Variants in PCDHA7 observed in about 807,000 individuals in gnomAD.
PCDHA7 encodes protocadherin alpha 7.
In PCDHA7, 37 loss-of-function variants were observed where a neutral mutation model predicts 57.2. The ratio of observed to expected loss-of-function variants is 0.65; its 90% CI spans 0.50 to 0.85. The LOEUF (loss-of-function observed/expected upper bound fraction) is 0.85, where lower values mean the gene tolerates loss of function less well. PCDHA7 is among the 40% of genes least tolerant of loss of function. The pLI is 0.00. For missense variants in PCDHA7, 1,188 were observed against 1,241.8 expected (o/e 0.96, Z 0.65); for synonymous variants, 553 against 558.8 (o/e 0.99, Z 0.15).
At position 140,836,498 on chromosome 5, in the gene PCDHA7, C is replaced by A; in HGVS notation, c.2115C>A (p.Cys705Ter). The part of the protein sequence containing the change: ...DVNVYLIIAI[C>*]AVSSLLVLTL... ...ACGTGTACCTGATCATCGCCATCTG[C>A]GCGGTGTCCAGTCTGTTGGTGCTTA... Residue 705 changes from cysteine (C) to a stop codon, truncating the protein, a stop_gained, in exon 1 of 4, where the codon TGC becomes TGA. Transcript: ENST00000525929. LOFTEE classifies it high-confidence loss of function. The A allele has an allele frequency of 1.2e-6, 2 of 1,613,896 alleles. No individual in the cohort carries two copies. Among genetic ancestry groups the A allele is most frequent in the Non-Finnish European group, 1.7e-6 (2 of 1,179,874 alleles).
intron 1 of PCDHA7, chr5:140,928,746 C>A (rs782813323): frequency 6.2e-7 from 1 of 1,614,130 alleles, no homozygotes. Context: ...TAGGTGAGCT[C>A]CGTACTGCTC....
intron 1 of PCDHA7, chr5:140,929,227 G>A (rs141300036): frequency 6.2e-6 from 10 of 1,613,774 alleles, no homozygotes; most frequent in Admixed American, 5.0e-5. Context: ...CAATGCTGCC[G>A]ACCTGCGAAA....
At chr5:140,857,138 G>A in intron 1 of PCDHA7, 2 of 1,598,300 alleles carry the variant, frequency 1.3e-6, no homozygotes, top group Non-Finnish European at 1.7e-6. Context: ...AGATGCTCAA[G>A]TGGGCACCGT....
Position 140,856,075 on chromosome 5 carries a change from G to T in PCDHA7, c.2355+19337G>T. 2 of 1,593,334 alleles carry T rather than the reference G, an allele frequency of 1.3e-6. 1 individual carries two copies. The highest frequency in any genetic ancestry group is 1.7e-6 in the Non-Finnish European group (2 of 1,164,466). Reference sequence around the variant, plus strand: ...TGGTTTCCAGATGTAGCTGCCTGGGGGTCCAGTGTCTGCTGCTCTCGCTTC... The same window carrying T: ...TGGTTTCCAGATGTAGCTGCCTGGGTGTCCAGTGTCTGCTGCTCTCGCTTC... On this transcript the variant is annotated intron_variant, in intron 1 of 3. Transcript: ENST00000525929.
intron 1 of PCDHA7, chr5:140,871,672 T>C (rs2053253410): frequency 2.6e-6 from 3 of 1,153,066 alleles, no homozygotes; most frequent in Non-Finnish European, 3.6e-6. Flanking sequence ...AGTCTTTTAA[T>C]CATATGAATA....
chr5:140,880,970 C>A (rs2058546777), intron 1 of PCDHA7, among the ~76,000 whole-genome samples: 1 of 152,070 alleles, frequency 6.6e-6, no homozygotes, highest in South Asian at 2.1e-4. Context: ...TAAGAGAATA[C>A]CAAATACTCT....
At chr5:140,969,982 G>T (rs1327490843) in intron 1 of PCDHA7, among the ~76,000 whole-genome samples, 1 of 152,184 alleles carries the variant, frequency 6.6e-6, no homozygotes, top group Non-Finnish European at 1.5e-5. Flanking sequence ...CAACTCTTCT[G>T]TAGAGGGCTG....
Position 140,884,686 on chromosome 5 carries a change from G to C in PCDHA7, c.2355+47948G>C, listed in dbSNP as rs376199469. 72 of 1,538,980 alleles carry C rather than the reference G, an allele frequency of 4.7e-5. No homozygotes were observed. The African/African-American group carries it at 8.7e-4, about 19-fold the overall frequency. ...AGGTAAGCTTATATTTTAAAAAATT[G>C]TCTTAGTAAACACTTTAGCCTTCCT... On this transcript the variant is annotated intron_variant, in intron 1 of 3. Transcript: ENST00000525929.
rs1487503403 is a variant in PCDHA7 at position 140,941,191 on chromosome 5, T to TTTCTTTC, written c.2356-37756_2356-37755insCTTTCTT. Among the ~76,000 whole-genome samples, 158 of 93,240 alleles carry TTTCTTTC rather than the reference T, an allele frequency of 1.7e-3. 2 individuals carry two copies. Among genetic ancestry groups the TTTCTTTC allele is most frequent in the South Asian group, 0.011 (38 of 3,542 alleles). 61.2% of individuals were successfully genotyped at this position (93,240 alleles called of 152,430 possible). A position where few individuals can be genotyped will look rare whatever the true frequency, so the allele number is the denominator to read the frequency against. ...CATCTTGAACATCCTGCTTCTTTTT[T>TTTCTTTC]TTTCTTTCTTCCTTTCTTTCTTCCT... On this transcript the variant is annotated intron_variant, in intron 1 of 3. Transcript: ENST00000525929.
intron 1 of PCDHA7, among the ~76,000 whole-genome samples, chr5:140,959,419 A>G (rs1554224077): frequency 2.0e-5 from 3 of 152,150 alleles, no homozygotes; most frequent in Non-Finnish European, 4.4e-5. Context: ...TTGATCTGAG[A>G]ATTTGTGTAT....
chr5:140,869,227 G>A, intron 1 of PCDHA7: 2 of 1,613,788 alleles, frequency 1.2e-6, no homozygotes, highest in African/African-American at 1.3e-5. Context: ...GGCCAAACAC[G>A]GCACCTTCGT....
chr5:140,927,040 A>T (rs1554203950), intron 1 of PCDHA7: 1 of 1,612,350 alleles, frequency 6.2e-7, no homozygotes, highest in Non-Finnish European at 8.5e-7. Flanking sequence ...AGCGGCCGCT[A>T]TGTCCTCGCG....
At chr5:140,849,756 T>C (rs1554143259) in intron 1 of PCDHA7, 2 of 1,598,354 alleles carry the variant, frequency 1.3e-6, no homozygotes, top group Admixed American at 1.7e-5. Flanking sequence ...TGTGTCCGCC[T>C]ACGAGCTGGT....
At chr5:140,896,470 C>T (rs1583233416) in intron 1 of PCDHA7, among the ~76,000 whole-genome samples, 2 of 151,962 alleles carry the variant, frequency 1.3e-5, no homozygotes, top group South Asian at 4.2e-4. Context: ...TCAAGCGGTT[C>T]TCCTGCCTCA....
rs1459343581 is a variant in PCDHA7 at position 141,012,230 on chromosome 5, A to G, written c.*2293A>G. 1.3e-5 allele frequency: 2 copies of G among 153,766 alleles called. No individual in the cohort carries two copies. The highest frequency in any genetic ancestry group is 6.5e-5 in the Admixed American group (1 of 15,278). 9.5% of individuals were successfully genotyped at this position (153,766 alleles called of 1,614,324 possible). On this transcript the variant is annotated 3_prime_UTR_variant, in exon 4 of 4. Transcript: ENST00000525929. ...ACATTTGCGAAGTGCTTTCCAATCC[A>G]TGTTAGTTACTAGTTATTACAGCTG...
chr5:140,953,467 C>T (rs952334269), intron 1 of PCDHA7, among the ~76,000 whole-genome samples: 1 of 152,090 alleles, frequency 6.6e-6, no homozygotes, highest in African/African-American at 2.4e-5. Context: ...AGAGTTTTAA[C>T]TTCCTCATGC....
chr5:140,997,334 C>G (rs2097767888), intron 3 of PCDHA7, among the ~76,000 whole-genome samples: 3 of 152,098 alleles, frequency 2.0e-5, no homozygotes, highest in Admixed American at 2.0e-4. Flanking sequence ...TTTCGTTGTA[C>G]AAATATCATA....
chr5:140,957,736 C>T (rs1001757062), intron 1 of PCDHA7, among the ~76,000 whole-genome samples: 3 of 151,944 alleles, frequency 2.0e-5, no homozygotes, highest in Non-Finnish European at 4.4e-5. Context: ...ATTATATATA[C>T]TGACATGAAA....
At position 140,992,594 on chromosome 5, in the gene PCDHA7, G is replaced by T. The variant is rs782416770; in HGVS notation, c.2503+10031G>T. On this transcript the variant is annotated intron_variant, in intron 3 of 3. Coordinates refer to ENST00000525929, the MANE Select transcript of PCDHA7 (RefSeq NM_018910.3). ...ATTGCCTGCCTTGTATGCATCTAGC[G>T]TCTGTGTCTAAGTGAAAGCAGATTA... Among the ~76,000 whole-genome samples, 5 of 152,266 alleles carry T rather than the reference G, an allele frequency of 3.3e-5. No individual in the cohort carries two copies. The East Asian group carries it at 7.7e-4, about 24-fold the overall frequency.
Sources: gnomAD v4.1 joint callset for allele counts (sites outside exome capture counted in the v4.1 genomes callset) on GRCh38, gnomAD v4.1.1 for gene constraint, MANE v1.5 for transcripts, NCBI Gene and HGNC (gene_info 2026-07-23, HGNC 2026-07-21) for gene names.